The following DNM1 variants were observed in gnomAD, a reference collection of about 807,000 sequenced individuals.
DNM1 encodes dynamin-1.
In DNM1, 29 loss-of-function variants were observed where a neutral mutation model predicts 104.6. The observed-to-expected ratio is 0.28, with a 90% confidence interval of 0.21 to 0.38. DNM1 has a LOEUF of 0.38. Ranked by LOEUF, DNM1 falls within the 10% of genes least tolerant of loss-of-function variation. The probability of loss-of-function intolerance (pLI) is 1.00; values close to 1 mark genes in which losing one functional copy is unlikely to be tolerated. For missense variants in DNM1, 640 were observed against 1,189.4 expected, an observed-to-expected ratio of 0.54 and a Z score of 6.79; for synonymous variants, 445 against 475.8, an observed-to-expected ratio of 0.94 and a Z score of 0.84.
At chr9:128,229,805 C>T (rs1042243570) in intron 10 of DNM1, among the ~76,000 whole-genome samples, 4 of 151,542 alleles carry the variant, frequency 2.6e-5, no homozygotes, top group East Asian at 1.9e-4. Context: ...CTCAGCCACT[C>T]GGGAGGCTGA....
At chr9:128,249,139 A>C (rs1304961700) in intron 19 of DNM1, among the ~76,000 whole-genome samples, 1 of 145,786 alleles carries the variant, frequency 6.9e-6, no homozygotes, top group African/African-American at 2.5e-5. Context: ...GTTGCAGTGA[A>C]CCGAGATCCT....
chr9:128,225,973 C>A, intron 10 of DNM1: 1 of 1,551,066 alleles, frequency 6.4e-7, no homozygotes, highest in Non-Finnish European at 8.8e-7. Flanking sequence ...TGGCTTTCAC[C>A]CACTTCTCCT....
Position 128,250,056 on chromosome 9 carries a change from G to T in DNM1, c.2077-59G>T, listed in dbSNP as rs937268873. ...CACAGTCCCAGCAGGGCCCGGTGGG[G>T]CGGCCAGGGCGGCACAGGCATCAGG... is the stretch of plus-strand genomic sequence containing the variant. On this transcript the variant is annotated intron_variant, in intron 19 of 21. Transcript: ENST00000372923. The T allele has an allele frequency of 2.5e-6, 4 of 1,612,298 alleles. No individual in the cohort carries two copies. The African/African-American group carries it at 5.3e-5, about 22-fold the overall frequency.
chr9:128,207,377 G>C (rs1332046726), intron 1 of DNM1, among the ~76,000 whole-genome samples: 1 of 150,754 alleles, frequency 6.6e-6, no homozygotes, highest in African/African-American at 2.4e-5. Context: ...AGTGTAGATG[G>C]GGGAGTGTTT....
Position 128,239,975 on chromosome 9 carries a change from C to G in DNM1, c.1546-10C>G. The G allele has an allele frequency of 6.2e-7, 1 of 1,614,148 alleles. No homozygotes were observed. The highest frequency in any genetic ancestry group is 8.5e-7 in the Non-Finnish European group (1 of 1,180,014). ...TGCCTCTCGTGGTTGCTATGGTTAC[C>G]TCTTTGCAGGATGAGATTCTGGTGA... On this transcript the variant is annotated splice_polypyrimidine_tract_variant and intron_variant, in intron 13 of 21. Coordinates refer to ENST00000372923, the MANE Select transcript of DNM1 (RefSeq NM_004408.4).
At chr9:128,234,242 C>A in intron 11 of DNM1, 135 bp downstream of exon 11, 1 of 680,898 alleles carries the variant, frequency 1.5e-6, no homozygotes, top group Non-Finnish European at 2.4e-6. Context: ...CTCATACTGA[C>A]TCTCTGCTTC....
At chr9:128,217,574 G>A (rs933075314) in intron 1 of DNM1, among the ~76,000 whole-genome samples, 14 of 152,054 alleles carry the variant, frequency 9.2e-5, no homozygotes, top group Non-Finnish European at 1.6e-4. Context: ...CTGACACCCC[G>A]CCGGCTAATT....
chr9:128,232,190 T>C (rs1325981437), intron 10 of DNM1: 1 of 389,652 alleles, frequency 2.6e-6, no homozygotes, highest in Non-Finnish European at 5.2e-6. Context: ...TTCTCCCTGC[T>C]CCTCCAAACT....
In DNM1 at chr9:128,254,510, A is replaced by C; in HGVS notation, c.2535-144A>C. On this transcript the variant is annotated intron_variant, in intron 21 of 21. Coordinates refer to ENST00000372923, the MANE Select transcript of DNM1 (RefSeq NM_004408.4). The surrounding 1 kb of genome is among the most constrained non-coding windows in gnomAD (Gnocchi z 6.1). ...CAGCCCCTTTTCCAGGAACCTTGCC[A>C]CACCCACACCTGCAGCCTCCCCTCC... The C allele has an allele frequency of 6.6e-7, 1 of 1,525,574 alleles. No homozygotes were observed. The highest frequency in any genetic ancestry group is 8.7e-7 in the Non-Finnish European group (1 of 1,145,552). 94.5% of individuals were successfully genotyped at this position (1,525,574 alleles called of 1,614,324 possible). A position where few individuals can be genotyped will look rare whatever the true frequency, so the allele number is the denominator to read the frequency against.
chr9:128,209,625 G>A (rs890083283), intron 1 of DNM1, among the ~76,000 whole-genome samples: 64 of 152,178 alleles, frequency 4.2e-4, no homozygotes, highest in African/African-American at 1.4e-3. Context: ...TTGGAGTTCC[G>A]TGGTGGATGT....
chr9:128,223,550 G>T (rs180889254), intron 9 of DNM1: 3 of 152,298 alleles, frequency 2.0e-5, no homozygotes, highest in Non-Finnish European at 4.4e-5. Context: ...TTTACTTCCT[G>T]ATAACTGCAC....
intron 14 of DNM1, 160 bp from the exon 15 acceptor site, chr9:128,242,072 T>C (rs1259217392): frequency 1.6e-6 from 1 of 638,444 alleles, no homozygotes; most frequent in Non-Finnish European, 2.8e-6. Flanking sequence ...TGTTCACTTG[T>C]GGTTCAAACC....
chr9:128,251,014 A>T lies in DNM1; in HGVS notation c.2534+74A>T, dbSNP rs557582202. On this transcript the variant is annotated intron_variant, in intron 21 of 21. Coordinates refer to ENST00000372923, the MANE Select transcript of DNM1 (RefSeq NM_004408.4). Reference sequence around the variant, plus strand: ...CGGGAGGGAAATGGGGCTGGATTCCAGAGCATCGGACCTGGCCGCCAGAAC... The same window carrying T: ...CGGGAGGGAAATGGGGCTGGATTCCTGAGCATCGGACCTGGCCGCCAGAAC... 7.0e-5 allele frequency: 69 copies of T among 981,888 alleles called. No individual in the cohort carries two copies. In the East Asian group the frequency reaches 1.7e-3, roughly 25 times the overall value. The allele number at this position is 981,888 out of a possible 1,614,324, so 60.8% of individuals were successfully genotyped here.
chr9:128,205,733 T>C (rs1355346892), intron 1 of DNM1, among the ~76,000 whole-genome samples: 1 of 151,846 alleles, frequency 6.6e-6, no homozygotes, highest in African/African-American at 2.4e-5. Context: ...GAGGGGGCGC[T>C]GATAGCCAAT....
Position 128,254,563 on chromosome 9 carries a change from GGCCGGCC to G in DNM1, c.2535-90_2535-84del. 1 of 1,546,728 alleles carries G rather than the reference GGCCGGCC, an allele frequency of 6.5e-7. No homozygotes were observed. Among genetic ancestry groups the G allele is most frequent in the Non-Finnish European group, 8.7e-7 (1 of 1,149,374 alleles). On this transcript the variant is annotated intron_variant, in intron 21 of 21. Transcript: ENST00000372923. The surrounding 1 kb of genome is among the most constrained non-coding windows in gnomAD (Gnocchi z 6.1). ...GGCCCTCCCACCACTGCTGCGGCGCGGCCGGCCCCGGCCGTGTGCTGCGCTTGCCTTA... is the reference window on the plus strand; with the variant it reads ...GGCCCTCCCACCACTGCTGCGGCGCGCCGGCCGTGTGCTGCGCTTGCCTTA...
rs796576189 is a variant in DNM1 at position 128,210,040 on chromosome 9, C to CTGTTTTGTTT, written c.161+6423_161+6432dup. ...AAGTTTTTGTTTTGTTTTGTTTTGTCTGTTTTGTTTTGTTTTGTTTTGTAA... is the reference window on the plus strand; with the variant it reads ...AAGTTTTTGTTTTGTTTTGTTTTGTCTGTTTTGTTTTGTTTTGTTTTGTTTTGTTTTGTAA... On this transcript the variant is annotated intron_variant, in intron 1 of 21. Coordinates refer to ENST00000372923, the MANE Select transcript of DNM1 (RefSeq NM_004408.4). Among the ~76,000 whole-genome samples, 288 of 150,746 alleles carry CTGTTTTGTTT rather than the reference C, an allele frequency of 1.9e-3. 1 individual carries two copies. The highest frequency in any genetic ancestry group is 6.8e-3 in the Middle Eastern group (2 of 294).
chr9:128,204,647 G>A (rs1833794715), intron 1 of DNM1, among the ~76,000 whole-genome samples: 1 of 152,138 alleles, frequency 6.6e-6, no homozygotes, highest in African/African-American at 2.4e-5. Flanking sequence ...AAAGATAGGA[G>A]CTCTCCAGGT....
At position 128,246,534 on chromosome 9, in the gene DNM1, C is replaced by T. The variant is rs572621045; in HGVS notation, c.1781+31C>T. 43 of 1,572,260 alleles carry T rather than the reference C, an allele frequency of 2.7e-5. No homozygotes were observed. The African/African-American group carries it at 4.2e-4, about 15-fold the overall frequency. On this transcript the variant is annotated intron_variant, in intron 16 of 21. Coordinates refer to ENST00000372923, the MANE Select transcript of DNM1 (RefSeq NM_004408.4). ...TGCCTGCCCCTGGCTGTGGCTGCTG[C>T]AGCCCCAAAACCACCCTCACTGAGT... is the stretch of plus-strand genomic sequence containing the variant.
At position 128,220,742 on chromosome 9, in the gene DNM1, C is replaced by CGCGCGCGT. The variant is rs61020870; in HGVS notation, c.849+402_849+403insCGCGCGTG. 0.2 allele frequency among the ~76,000 whole-genome samples: 27,114 copies of CGCGCGCGT among 134,680 alleles called. 3,652 individuals are homozygous for CGCGCGCGT. Among genetic ancestry groups the CGCGCGCGT allele is most frequent in the Admixed American group, 0.33 (4,498 of 13,524 alleles). The allele number at this position is 134,680 out of a possible 152,430, so 88.4% of individuals were successfully genotyped here. A position where few individuals can be genotyped will look rare whatever the true frequency, so the allele number is the denominator to read the frequency against. The stretch of plus-strand genomic sequence containing the variant: ...CAGAACTGAAGTGCGCGCGCGCGCG[C>CGCGCGCGT]GTGTGTGTGTGTGTGTGTGTGTGTG... On this transcript the variant is annotated intron_variant, in intron 6 of 21. Coordinates refer to ENST00000372923, the MANE Select transcript of DNM1 (RefSeq NM_004408.4). This position sits in a 1 kb window ranked among gnomAD's most constrained non-coding sequence, Gnocchi z 5.2.
Sources: gnomAD v4.1 joint callset for allele counts (sites outside exome capture counted in the v4.1 genomes callset) on GRCh38, gnomAD v4.1.1 for gene constraint, Gnocchi (gnomAD v3.1) non-coding constraint, MANE v1.5 for transcripts, NCBI Gene and HGNC (gene_info 2026-07-23, HGNC 2026-07-21) for gene names.